Variants in ST3GAL1 observed in about 807,000 individuals in gnomAD.
ST3GAL1 encodes ST3 beta-galactoside alpha-2,3-sialyltransferase 1, also known as CMP-N-acetylneuraminate-beta-galactosamide-alpha-2,3-sialyltransferase 1.
ST3GAL1 carries 16 observed loss-of-function variants against 34.1 expected under a neutral mutation model. The ratio of observed to expected loss-of-function variants is 0.47; its 90% CI spans 0.32 to 0.71. The LOEUF is 0.71. Ranked by LOEUF, ST3GAL1 falls within the 30% of genes least tolerant of loss-of-function variation. ST3GAL1 has a pLI of 0.04. For missense variants in ST3GAL1, 353 were observed against 447.4 expected (o/e 0.79, Z 1.90); for synonymous variants, 191 against 184.7 (o/e 1.03, Z -0.28).
intron 2 of ST3GAL1, among the ~76,000 whole-genome samples, chr8:133,540,744 GACATATATATATAT>G (rs1563733830): frequency 1.1e-4 from 12 of 107,702 alleles, no homozygotes; most frequent in East Asian, 1.1e-3. Flanking sequence ...TATATATATA[GACATATATATATAT>G]ATAGACATAT....
intron 2 of ST3GAL1, among the ~76,000 whole-genome samples, chr8:133,536,946 T>C (rs1289505105): frequency 6.6e-6 from 1 of 152,108 alleles, no homozygotes; most frequent in Non-Finnish European, 1.5e-5. Context: ...CCACACACCA[T>C]GCACCAGCTG....
chr8:133,545,443 G>A (rs569172500), intron 2 of ST3GAL1, among the ~76,000 whole-genome samples: 7 of 152,220 alleles, frequency 4.6e-5, no homozygotes, highest in East Asian at 1.9e-4. Flanking sequence ...CCAGGCCTTC[G>A]TCAGGATGAC....
chr8:133,504,399 A>G (rs1017845823), intron 2 of ST3GAL1, among the ~76,000 whole-genome samples: 3 of 152,236 alleles, frequency 2.0e-5, no homozygotes, highest in African/African-American at 7.2e-5. Flanking sequence ...AACTCAATCC[A>G]ATCCAATCAG....
chr8:133,462,080 C>A, intron 8 of ST3GAL1, 86 bp from the exon 9 acceptor site: 2 of 1,584,788 alleles, frequency 1.3e-6, no homozygotes, highest in Non-Finnish European at 1.7e-6. Flanking sequence ...ACTGTTGTGG[C>A]CATGGAGGCA....
rs772597674 is a variant in ST3GAL1, at chr8:133,562,794, T to TTTCCTTCC, written c.-582+8891_-582+8898dup. 8.5e-3 allele frequency among the ~76,000 whole-genome samples: 922 copies of TTTCCTTCC among 108,550 alleles called. 23 individuals are homozygous for TTTCCTTCC. The highest frequency in any genetic ancestry group is 0.026 in the African/African-American group (713 of 27,402). 71.2% of individuals were successfully genotyped at this position (108,550 alleles called of 152,430 possible). On this transcript the variant is annotated intron_variant, in intron 1 of 9. Transcript: ENST00000522652. ...AGAAAAGGGTTTCTTTCTTTCTTTC[T>TTTCCTTCC]TTCCTTCCTTCCTTCCTTCCTTCCT...
chr8:133,510,059 CAAA>C (rs61402942), intron 2 of ST3GAL1, among the ~76,000 whole-genome samples: 88 of 120,198 alleles, frequency 7.3e-4, no homozygotes, highest in African/African-American at 1.9e-3. Flanking sequence ...AACTCTGTCT[CAAA>C]AAAAAAAAAA....
Position 133,467,647 on chromosome 8 carries a change from G to T in ST3GAL1, c.307-1557C>A, listed in dbSNP as rs1161212322. On this transcript the variant is annotated intron_variant, in intron 5 of 9. Transcript: ENST00000522652. This position sits in a 1 kb window ranked among gnomAD's most constrained non-coding sequence, Gnocchi z 4.2. The stretch of plus-strand genomic sequence containing the variant: ...TGGGGTAGGGGTGATAAGCTGTGGG[G>T]TGATTCCCATCGGCTACTCCGGGCC... Among the ~76,000 whole-genome samples the T allele has an allele frequency of 1.3e-5, 2 of 152,220 alleles. No individual in the cohort carries two copies. Among genetic ancestry groups the T allele is most frequent in the Admixed American group, 1.3e-4 (2 of 15,286 alleles).
At chr8:133,521,473 A>G (rs902408575) in intron 2 of ST3GAL1, among the ~76,000 whole-genome samples, 1 of 152,024 alleles carries the variant, frequency 6.6e-6, no homozygotes, top group African/African-American at 2.4e-5. Context: ...TAATTTTTGT[A>G]TTTTTATTAG....
At chr8:133,470,489 C>T (rs573156021) in intron 5 of ST3GAL1, among the ~76,000 whole-genome samples, 3 of 152,258 alleles carry the variant, frequency 2.0e-5, no homozygotes, top group East Asian at 3.9e-4. Context: ...TTCAGGGACA[C>T]GCCCTCTCCA....
Position 133,522,353 on chromosome 8 carries a change from C to T in ST3GAL1, c.-428-23164G>A, listed in dbSNP as rs576345969. 1.2e-3 allele frequency among the ~76,000 whole-genome samples: 176 copies of T among 152,194 alleles called. 1 individual carries two copies. The highest frequency in any genetic ancestry group is 1.5e-3 in the Non-Finnish European group (101 of 68,032). On this transcript the variant is annotated intron_variant, in intron 2 of 9. Transcript: ENST00000522652. ...GACACTGCCCCTAGATGCTGAGGCT[C>T]TCCAGGCACAGAAGGTTCCCTGCTT...
In ST3GAL1 at chr8:133,457,625, C is replaced by T. The variant is rs767386351; in HGVS notation, c.*2139G>A. The T allele has an allele frequency of 7.9e-5, 12 of 152,216 alleles. No homozygotes were observed. The highest frequency in any genetic ancestry group is 1.5e-4 in the Non-Finnish European group (10 of 68,040). 9.4% of individuals were successfully genotyped at this position (152,216 alleles called of 1,614,324 possible). Reference sequence around the variant, plus strand: ...GGATTTTAAAGCTGAAACAGGTTTTCGGTTTGTTTAACACATTCCCCATTC... The same window carrying T: ...GGATTTTAAAGCTGAAACAGGTTTTTGGTTTGTTTAACACATTCCCCATTC... On this transcript the variant is annotated 3_prime_UTR_variant, in exon 10 of 10. Coordinates refer to ENST00000522652, the MANE Select transcript of ST3GAL1 (RefSeq NM_173344.3).
intron 2 of ST3GAL1, among the ~76,000 whole-genome samples, chr8:133,518,239 C>T (rs1817701256): frequency 6.6e-6 from 1 of 152,184 alleles, no homozygotes; most frequent in Non-Finnish European, 1.5e-5. Context: ...GGCTGCCTTC[C>T]ACTGTACTGC....
Position 133,541,096 on chromosome 8 carries a change from CATATAT to C in ST3GAL1, c.-429+4672_-429+4677del, listed in dbSNP as rs780797700. ...ATATATATAGACATATATATATAAA[CATATAT>C]ATATATATATATATATATAGAGAGA... On this transcript the variant is annotated intron_variant, in intron 2 of 9. Transcript: ENST00000522652. Among the ~76,000 whole-genome samples, 106 of 37,172 alleles carry C rather than the reference CATATAT, an allele frequency of 2.9e-3. 11 individuals carry two copies. Among genetic ancestry groups the C allele is most frequent in the African/African-American group, 0.012 (73 of 5,920 alleles). 24.4% of individuals were successfully genotyped at this position (37,172 alleles called of 152,430 possible).
At chr8:133,569,429 C>A (rs901460760) in intron 1 of ST3GAL1, among the ~76,000 whole-genome samples, 5 of 152,132 alleles carry the variant, frequency 3.3e-5, no homozygotes, top group African/African-American at 1.2e-4. Flanking sequence ...TATGTATTAT[C>A]GCCACTCGCA....
chr8:133,554,279 T>A (rs1239162879), intron 1 of ST3GAL1, among the ~76,000 whole-genome samples: 2 of 152,192 alleles, frequency 1.3e-5, no homozygotes, highest in South Asian at 4.1e-4. Flanking sequence ...TGAATGCACA[T>A]GACCATCTGC....
At chr8:133,502,289 C>T (rs1817178830) in intron 2 of ST3GAL1, among the ~76,000 whole-genome samples, 1 of 152,074 alleles carries the variant, frequency 6.6e-6, no homozygotes, top group African/African-American at 2.4e-5. Context: ...AACCGTCCCC[C>T]ACACCCCCAC....
chr8:133,490,944 C>T (rs1290437599), intron 3 of ST3GAL1, among the ~76,000 whole-genome samples: 1 of 152,190 alleles, frequency 6.6e-6, no homozygotes, highest in Non-Finnish European at 1.5e-5. Flanking sequence ...CTTTCTGCAT[C>T]GGCGCCTGCC....
intron 1 of ST3GAL1, among the ~76,000 whole-genome samples, chr8:133,550,772 C>A (rs986951082): frequency 1.3e-5 from 2 of 152,194 alleles, no homozygotes; most frequent in East Asian, 3.9e-4. Context: ...CTGTTCTGAA[C>A]CCATAAATCA....
At chr8:133,468,010 G>A (rs1815807464) in intron 5 of ST3GAL1, among the ~76,000 whole-genome samples, 1 of 152,188 alleles carries the variant, frequency 6.6e-6, no homozygotes, top group South Asian at 2.1e-4. Flanking sequence ...TGGAACTCGT[G>A]CATTGCTGGT....
Sources: allele counts gnomAD v4.1 joint callset (sites outside exome capture counted in the v4.1 genomes callset), GRCh38; gene constraint gnomAD v4.1.1; non-coding constraint Gnocchi (gnomAD v3.1); transcripts MANE v1.5; gene names NCBI Gene and HGNC (gene_info 2026-07-23, HGNC 2026-07-21).